Variants in ICE2 observed in about 807,000 individuals in gnomAD.
The protein encoded by ICE2 is interactor of little elongation complex ELL subunit 2.
A neutral mutation model predicts 105.4 loss-of-function variants in ICE2; 87 were observed. The observed-to-expected ratio is 0.83, with a 90% CI of 0.69 to 0.99. The LOEUF is 0.99. Ranked by LOEUF, ICE2 falls within the 50% of genes least tolerant of loss-of-function variation. The probability of loss-of-function intolerance (pLI) is 0.00; values close to 1 mark genes in which losing one functional copy is unlikely to be tolerated. For synonymous variants in ICE2, 399 were observed against 392.0 expected, an observed-to-expected ratio of 1.02 and a Z score of -0.21; for missense variants, 1,323 against 1,146.7, an observed-to-expected ratio of 1.15 and a Z score of -2.22.
At chr15:60,453,930 T>G (rs914555885) in intron 8 of ICE2, 146 bp from the exon 9 acceptor site, 1 of 621,024 alleles carries the variant, frequency 1.6e-6, no homozygotes, top group Admixed American at 3.2e-5. Flanking sequence ...ACCCTTAGAC[T>G]AGCAGATATT....
chr15:60,476,024 C>A (rs2064751813), intron 3 of ICE2, 39 bp downstream of exon 3: 1 of 1,311,140 alleles, frequency 7.6e-7, no homozygotes, highest in Non-Finnish European at 1.1e-6. Context: ...GAAAAACGAC[C>A]ATCAAATATG....
chr15:60,444,883 C>A (rs924761758), intron 11 of ICE2, among the ~76,000 whole-genome samples: 3 of 152,084 alleles, frequency 2.0e-5, no homozygotes, highest in Admixed American at 6.6e-5. Flanking sequence ...TGGGGTTTCA[C>A]CACGTGGGCC....
chr15:60,432,248 C>T lies in ICE2; in HGVS notation c.2511-264G>A, dbSNP rs537072648. On this transcript the variant is annotated intron_variant, in intron 13 of 15. Coordinates refer to ENST00000261520, the MANE Select transcript of ICE2 (RefSeq NM_024611.6). ...GCCCAGGCTGGAGTGAGTGCAGTGGCGCAATCTCTGCTCGCTGCAACCTCC... is the reference window on the plus strand; with the variant it reads ...GCCCAGGCTGGAGTGAGTGCAGTGGTGCAATCTCTGCTCGCTGCAACCTCC... 1.2e-4 allele frequency among the ~76,000 whole-genome samples: 16 copies of T among 134,952 alleles called. No homozygotes were observed. The East Asian group carries it at 2.2e-3, about 18-fold the overall frequency. The allele number at this position is 134,952 out of a possible 152,430, so 88.5% of individuals were successfully genotyped here.
Position 60,453,783 on chromosome 15 carries a change from AC to A in ICE2, c.944del (p.Gly315ValfsTer7). The stretch of plus-strand genomic sequence containing the variant: ...TATATATTACTTTAACTGGTTTTGA[AC>A]CTTAAAACAGAAACCAAAGAAAAGA... ...PVCIQVIPVAGSKPVKVIYIN... is the reference protein window; with the variant it reads ...PVCIQVIPVAXSKPVKVIYIN... On this transcript the variant is annotated frameshift_variant and splice_region_variant, in exon 9 of 16. Coordinates refer to ENST00000261520, the MANE Select transcript of ICE2 (RefSeq NM_024611.6). LOFTEE classifies it high-confidence loss of function. The A allele has an allele frequency of 2.6e-6, 4 of 1,562,100 alleles. No individual in the cohort carries two copies. The highest frequency in any genetic ancestry group is 3.5e-6 in the Non-Finnish European group (4 of 1,136,634).
At chr15:60,424,089 G>C (rs762061596) in intron 15 of ICE2, among the ~76,000 whole-genome samples, 23 of 152,108 alleles carry the variant, frequency 1.5e-4, no homozygotes, top group Non-Finnish European at 2.9e-4. Flanking sequence ...TGTGTGATGT[G>C]TTTGAAATAA....
intron 11 of ICE2, chr15:60,445,896 A>T (rs1164371013): frequency 2.2e-6 from 1 of 445,314 alleles, no homozygotes; most frequent in Non-Finnish European, 3.0e-6. Flanking sequence ...AAAGAAATAA[A>T]ACCTTGAAAA....
Position 60,453,702 on chromosome 15 carries a change from A to T in ICE2, c.1026T>A (p.Phe342Leu). The T allele has an allele frequency of 6.2e-7, 1 of 1,612,242 alleles. No individual in the cohort carries two copies. Among genetic ancestry groups the T allele is most frequent in the Non-Finnish European group, 8.5e-7 (1 of 1,178,332 alleles). The change falls in exon 9 of 16, where the codon TTT (phenylalanine) becomes TTA (leucine). Residue 342 changes from phenylalanine to leucine, a missense_variant. Coordinates refer to ENST00000261520, the MANE Select transcript of ICE2 (RefSeq NM_024611.6). ...TCATAAATTTTAATGGAACTTCATG[A>T]AAGATTTGATTTCTCTCTCTCATAG... ...KMTMRERNQIFHEVPLKFMMS... is the reference protein window; with the variant it reads ...KMTMRERNQILHEVPLKFMMS...
chr15:60,457,476 C>A (rs1284446335), intron 5 of ICE2, among the ~76,000 whole-genome samples: 1 of 151,990 alleles, frequency 6.6e-6, no homozygotes, highest in African/African-American at 2.4e-5. Context: ...CATATTTTTT[C>A]TTCTTCTGTC....
intron 3 of ICE2, among the ~76,000 whole-genome samples, chr15:60,469,128 T>G (rs1202604717): frequency 6.6e-6 from 1 of 152,182 alleles, no homozygotes; most frequent in Non-Finnish European, 1.5e-5. Flanking sequence ...TAAAAAGGAA[T>G]GAGATCATGT....
intron 14 of ICE2, among the ~76,000 whole-genome samples, 162 bp downstream of exon 14, chr15:60,431,772 T>C (rs1008461169): frequency 1.3e-4 from 20 of 152,236 alleles, no homozygotes; most frequent in Non-Finnish European, 2.9e-4. Context: ...GATACTAAAT[T>C]ACTTTATATT....
chr15:60,435,001 G>A (rs2063550872), intron 13 of ICE2, among the ~76,000 whole-genome samples: 1 of 152,022 alleles, frequency 6.6e-6, no homozygotes, highest in South Asian at 2.1e-4. Flanking sequence ...TCACATGTAG[G>A]AGCCGGGTGC....
intron 11 of ICE2, among the ~76,000 whole-genome samples, chr15:60,443,939 A>T (rs968315654): frequency 5.6e-5 from 8 of 144,080 alleles, no homozygotes; most frequent in African/African-American, 7.6e-5. Flanking sequence ...ACAAAAAATT[A>T]AAAAAAAAAA....
At chr15:60,457,925 T>G (rs962673659) in intron 5 of ICE2, among the ~76,000 whole-genome samples, 1 of 152,206 alleles carries the variant, frequency 6.6e-6, no homozygotes, top group African/African-American at 2.4e-5. Flanking sequence ...TTACAAGAAT[T>G]TGAATATGCA....
intron 2 of ICE2, among the ~76,000 whole-genome samples, chr15:60,477,392 G>T (rs1392187472): frequency 6.6e-6 from 1 of 152,150 alleles, no homozygotes; most frequent in Non-Finnish European, 1.5e-5. Context: ...TATAACATTT[G>T]ATCCTCCTTG....
At position 60,436,183 on chromosome 15, in the gene ICE2, T is replaced by G. The variant is rs2141015893; in HGVS notation, c.2470A>C (p.Ile824Leu). Residue 824 changes from isoleucine (I) to leucine (L), a missense_variant, in exon 13 of 16, where the codon ATT becomes CTT. Transcript: ENST00000261520. ...FTSKLFLLEE[I>L]TSEELKEKLS... Reference sequence around the variant, plus strand: ...TTTTCTTTTAATTCTTCTGAGGTAATTTCTTCCAGTAGAAAAAGTTTTGAA... The same window carrying G: ...TTTTCTTTTAATTCTTCTGAGGTAAGTTCTTCCAGTAGAAAAAGTTTTGAA... 1.4e-6 allele frequency: 2 copies of G among 1,470,292 alleles called. 1 individual carries two copies. Among genetic ancestry groups the G allele is most frequent in the East Asian group, 5.0e-5 (2 of 40,048 alleles). 91.1% of individuals were successfully genotyped at this position (1,470,292 alleles called of 1,614,324 possible).
At chr15:60,445,943 T>C (rs1329158751) in intron 11 of ICE2, among the ~76,000 whole-genome samples, 2 of 152,202 alleles carry the variant, frequency 1.3e-5, no homozygotes, top group Non-Finnish European at 2.9e-5. Context: ...GTATTCATGA[T>C]GTTCAAGCTT....
In ICE2 at chr15:60,428,492, G is replaced by T; in HGVS notation, c.2757C>A (p.Ile919=). Residue 919 remains isoleucine (I), a synonymous_variant, in exon 15 of 16, where the codon ATC becomes ATA. Coordinates refer to ENST00000261520, the MANE Select transcript of ICE2 (RefSeq NM_024611.6). The part of the protein sequence containing the change: ...LDPSLLLPYH[I]HHGRIPCTFP... Reference sequence around the variant, plus strand: ...AAGTACAAGGTATTCTTCCATGATGGATATGATATGGTAATAACAGGCTGG... The same window carrying T: ...AAGTACAAGGTATTCTTCCATGATGTATATGATATGGTAATAACAGGCTGG... 6.2e-7 allele frequency: 1 copy of T among 1,614,004 alleles called. No individual in the cohort carries two copies. Among genetic ancestry groups the T allele is most frequent in the African/African-American group, 1.3e-5 (1 of 75,046 alleles).
At chr15:60,470,610 T>C (rs566281456) in intron 3 of ICE2, among the ~76,000 whole-genome samples, 2 of 152,328 alleles carry the variant, frequency 1.3e-5, no homozygotes, top group African/African-American at 4.8e-5. Context: ...ATAAGTCTAG[T>C]CTGTTATTAT....
Position 60,446,399 on chromosome 15 carries a change from T to C in ICE2, c.2295+1571A>G, listed in dbSNP as rs2063822740. ...AGCAATGTGGAAAAGTTGGCACTTT[T>C]TAAAAATTTTTTTTGAGATAGAGTC... On this transcript the variant is annotated intron_variant, in intron 11 of 15. Transcript: ENST00000261520. Among the ~76,000 whole-genome samples, 8 of 152,214 alleles carry C rather than the reference T, an allele frequency of 5.3e-5. 1 individual carries two copies. The South Asian group carries it at 1.7e-3, about 32-fold the overall frequency.
Sources: gnomAD v4.1 joint callset for allele counts (sites outside exome capture counted in the v4.1 genomes callset) on GRCh38, gnomAD v4.1.1 for gene constraint, MANE v1.5 for transcripts, NCBI Gene and HGNC (gene_info 2026-07-23, HGNC 2026-07-21) for gene names.